Variants in ARHGAP26 observed in about 807,000 individuals in gnomAD.
The protein encoded by ARHGAP26 is rho GTPase-activating protein 26.
In ARHGAP26, 38 loss-of-function variants were observed where a neutral mutation model predicts 104.8. The observed-to-expected ratio is 0.36, with a 90% CI of 0.28 to 0.48. The LOEUF (loss-of-function observed/expected upper bound fraction) is 0.48. Ranked by LOEUF, ARHGAP26 falls within the 20% of genes least tolerant of loss-of-function variation. ARHGAP26 has a pLI of 0.99. For missense variants in ARHGAP26, 704 were observed against 947.9 expected (o/e 0.74, Z 3.38); for synonymous variants, 341 against 340.0 (o/e 1.00, Z -0.03).
At chr5:142,977,804 A>G (rs1043614490) in intron 11 of ARHGAP26, among the ~76,000 whole-genome samples, 1 of 152,256 alleles carries the variant, frequency 6.6e-6, no homozygotes, top group Non-Finnish European at 1.5e-5. Context: ...TCAGTGAGTC[A>G]GAGATGCGCC....
intron 1 of ARHGAP26, among the ~76,000 whole-genome samples, chr5:142,862,005 C>T (rs1753444503): frequency 1.3e-5 from 2 of 152,218 alleles, no homozygotes; most frequent in Middle Eastern, 3.2e-3. Flanking sequence ...CCAGGTTCTG[C>T]CGTCTGTGAC....
intron 21 of ARHGAP26, among the ~76,000 whole-genome samples, chr5:143,209,674 A>G (rs571575592): frequency 1.2e-4 from 19 of 152,114 alleles, no homozygotes; most frequent in African/African-American, 4.6e-4. Flanking sequence ...CCAGCTACTC[A>G]GGAGGCTAAG....
In ARHGAP26 at chr5:143,172,277, G is replaced by A. The variant is rs3776241; in HGVS notation, c.1988+24896G>A. Among the ~76,000 whole-genome samples, 265 of 151,920 alleles carry A rather than the reference G, an allele frequency of 1.7e-3. 8 individuals are homozygous for A. The East Asian group carries it at 0.045, about 26-fold the overall frequency. On this transcript the variant is annotated intron_variant, in intron 20 of 22. Coordinates refer to ENST00000645722, the MANE Select transcript of ARHGAP26 (RefSeq NM_001135608.3). ...ATGGTTGATAACCAAATAAAATCCA[G>A]GAATGTGAGGCTTGTTACTCTTTAA...
At chr5:142,873,096 G>A (rs990227063) in intron 1 of ARHGAP26, among the ~76,000 whole-genome samples, 5 of 152,228 alleles carry the variant, frequency 3.3e-5, no homozygotes, top group South Asian at 2.1e-4. Flanking sequence ...CTTTCTCCCC[G>A]ACTTCCTTTG....
chr5:142,906,130 A>G (rs1344160482), intron 8 of ARHGAP26, among the ~76,000 whole-genome samples: 2 of 152,124 alleles, frequency 1.3e-5, no homozygotes, highest in African/African-American at 4.8e-5. Context: ...CTCTGGTCAA[A>G]TCCTACATAA....
intron 1 of ARHGAP26, among the ~76,000 whole-genome samples, chr5:142,807,613 G>A (rs561648809): frequency 6.6e-6 from 1 of 152,290 alleles, no homozygotes; most frequent in African/African-American, 2.4e-5. Context: ...TCAGCCTTGG[G>A]AAGTCTTTGC....
chr5:142,997,639 A>G (rs1776599401), intron 11 of ARHGAP26, among the ~76,000 whole-genome samples: 1 of 151,284 alleles, frequency 6.6e-6, no homozygotes, highest in Non-Finnish European at 1.5e-5. Flanking sequence ...GCTGGTCTCA[A>G]ACTCCTGATC....
chr5:143,014,261 C>T (rs1779289359), intron 12 of ARHGAP26, 145 bp downstream of exon 12: 2 of 821,690 alleles, frequency 2.4e-6, no homozygotes, highest in African/African-American at 1.7e-5. Flanking sequence ...CATGCCTCCA[C>T]CCCAACTTTC....
intron 1 of ARHGAP26, 196 bp downstream of exon 1, chr5:142,771,111 C>A: frequency 1.5e-6 from 2 of 1,317,122 alleles, no homozygotes; most frequent in Non-Finnish European, 1.9e-6. Context: ...AGAGACCCGT[C>A]GCTCCGCCTT....
intron 1 of ARHGAP26, among the ~76,000 whole-genome samples, chr5:142,830,737 T>C (rs1436289628): frequency 6.6e-6 from 1 of 152,188 alleles, no homozygotes; most frequent in African/African-American, 2.4e-5. Context: ...ACACAAAATA[T>C]GTAGCCTCTG....
intron 18 of ARHGAP26, among the ~76,000 whole-genome samples, chr5:143,127,128 C>T (rs1796815036): frequency 6.6e-6 from 1 of 152,292 alleles, no homozygotes; most frequent in South Asian, 2.1e-4. Context: ...TTAAGAAGGA[C>T]AACCATATCA....
At chr5:143,215,377 T>G (rs150844966) in intron 22 of ARHGAP26, among the ~76,000 whole-genome samples, 1 of 152,352 alleles carries the variant, frequency 6.6e-6, no homozygotes, top group African/African-American at 2.4e-5. Context: ...CAGAATTGTT[T>G]TAAACTATCA....
chr5:143,213,290 A>G (rs1809802248), intron 21 of ARHGAP26, among the ~76,000 whole-genome samples: 1 of 152,092 alleles, frequency 6.6e-6, no homozygotes, highest in Non-Finnish European at 1.5e-5. Flanking sequence ...GAGAAAAGCA[A>G]AAACAAACCA....
intron 10 of ARHGAP26, chr5:142,921,997 T>C (rs1598254120): frequency 6.6e-6 from 1 of 152,206 alleles, no homozygotes; most frequent in South Asian, 2.1e-4. Context: ...AGTTTTCAAG[T>C]TATCTATAAG....
intron 20 of ARHGAP26, among the ~76,000 whole-genome samples, chr5:143,151,522 A>C (rs1176344641): frequency 6.6e-6 from 1 of 152,264 alleles, no homozygotes; most frequent in Non-Finnish European, 1.5e-5. Context: ...GAAGCAACCA[A>C]GATGTCTATC....
At chr5:143,094,488 A>G (rs779931511) in intron 17 of ARHGAP26, among the ~76,000 whole-genome samples, 10 of 152,212 alleles carry the variant, frequency 6.6e-5, no homozygotes, top group Non-Finnish European at 1.5e-4. Context: ...GGGGAACGTA[A>G]TCCCAGAGCA....
intron 11 of ARHGAP26, among the ~76,000 whole-genome samples, chr5:143,007,459 T>A (rs560824626): frequency 6.6e-6 from 1 of 152,348 alleles, no homozygotes; most frequent in South Asian, 2.1e-4. Flanking sequence ...GTGGAAATTT[T>A]GTTATTACAT....
At chr5:142,993,188 A>G (rs1598526950) in intron 11 of ARHGAP26, among the ~76,000 whole-genome samples, 1 of 109,448 alleles carries the variant, frequency 9.1e-6, no homozygotes. Context: ...TTTGAGACGG[A>G]GTCTCGCTCT....
chr5:143,012,548 C>T (rs13170271), intron 11 of ARHGAP26, among the ~76,000 whole-genome samples: 984 of 23,252 alleles, frequency 0.042, 191 homozygotes, highest in Middle Eastern at 0.11. Flanking sequence ...TATATACATA[C>T]ATACATATAT....
Sources: allele counts gnomAD v4.1 joint callset (sites outside exome capture counted in the v4.1 genomes callset), GRCh38; gene constraint gnomAD v4.1.1; transcripts MANE v1.5; gene names NCBI Gene and HGNC (gene_info 2026-07-23, HGNC 2026-07-21).